BAZ2B: variants seen among roughly 807,000 people sequenced by gnomAD.
BAZ2B encodes the protein bromodomain adjacent to zinc finger domain 2B.
Under a neutral mutation model 246.0 loss-of-function variants are expected in BAZ2B, and 91 were observed. That is an observed-to-expected ratio of 0.37 (90% CI 0.31 to 0.44). BAZ2B has a LOEUF of 0.44. Ranked by LOEUF, BAZ2B falls within the 20% of genes least tolerant of loss-of-function variation. The probability of loss-of-function intolerance (pLI) is 1.00; values close to 1 mark genes in which losing one functional copy is unlikely to be tolerated. For synonymous variants in BAZ2B, 855 were observed against 860.0 expected (o/e 0.99, Z 0.10); for missense variants, 2,332 against 2,533.7 (o/e 0.92, Z 1.71).
At chr2:159,399,817 A>G (rs2193922) in intron 17 of BAZ2B, among the ~76,000 whole-genome samples, 49,646 of 152,046 alleles carry the variant, frequency 0.33, 10,095 homozygotes, top group Non-Finnish European at 0.47. Context: ...AAATTTAAAC[A>G]TGAAAAGTTT....
chr2:159,326,718 A>G (rs2063762112), intron 34 of BAZ2B, among the ~76,000 whole-genome samples: 1 of 152,226 alleles, frequency 6.6e-6, no homozygotes, highest in Non-Finnish European at 1.5e-5. Context: ...TTCTAGCTCT[A>G]GAATTACATG....
At position 159,322,517 on chromosome 2, in the gene BAZ2B, A is replaced by G. The variant is rs2062840219; in HGVS notation, c.6354-2099T>C. 2.0e-5 allele frequency among the ~76,000 whole-genome samples: 3 copies of G among 152,224 alleles called. No individual in the cohort carries two copies. In the South Asian group the frequency reaches 6.2e-4, roughly 31 times the overall value. ...AATGGAATCATACAATCTGTGTGGG[A>G]ATGATTTTTACAAAATATTTTAAAG... On this transcript the variant is annotated intron_variant, in intron 36 of 36. Coordinates refer to ENST00000392783, the MANE Select transcript of BAZ2B (RefSeq NM_013450.4).
intron 2 of BAZ2B, among the ~76,000 whole-genome samples, chr2:159,539,238 AAAG>A (rs2086370238): frequency 2.0e-5 from 3 of 152,344 alleles, no homozygotes; most frequent in Middle Eastern, 6.8e-3. Context: ...CTAATGAAGA[AAAG>A]AAGAACAGTG....
chr2:159,592,780 G>GCCACC (rs1689706615), intron 1 of BAZ2B, among the ~76,000 whole-genome samples: 1 of 152,160 alleles, frequency 6.6e-6, no homozygotes, highest in Admixed American at 6.5e-5. Context: ...CAGCGTGACA[G>GCCACC]CCACCTCTTG....
chr2:159,450,942 G>A (rs765017133), intron 4 of BAZ2B, among the ~76,000 whole-genome samples: 24 of 152,032 alleles, frequency 1.6e-4, no homozygotes, highest in Non-Finnish European at 2.6e-4. Context: ...GTTTGGCTAT[G>A]TTGGTGAGGC....
At chr2:159,504,660 A>G (rs1053387811) in intron 2 of BAZ2B, among the ~76,000 whole-genome samples, 2 of 152,214 alleles carry the variant, frequency 1.3e-5, no homozygotes, top group African/African-American at 4.8e-5. Context: ...CTAAAAACAC[A>G]TCAATACCTT....
At chr2:159,624,753 A>G in the BAZ2B span, among the ~76,000 whole-genome samples, 1 of 152,312 alleles carries the variant, frequency 6.6e-6, no homozygotes, top group Non-Finnish European at 1.5e-5. Context: ...TGAAAATTCC[A>G]AAGACCAGAA....
the BAZ2B span, among the ~76,000 whole-genome samples, chr2:159,684,339 G>A: frequency 6.6e-6 from 1 of 152,198 alleles, no homozygotes; most frequent in African/African-American, 2.4e-5. Context: ...CTAGGAATGA[G>A]ATTGCTGAGT....
chr2:159,425,490 C>G (rs1030339850), intron 13 of BAZ2B, among the ~76,000 whole-genome samples: 10 of 152,108 alleles, frequency 6.6e-5, no homozygotes, highest in African/African-American at 2.4e-4. Context: ...CTGTTTTTCA[C>G]ATTATATACA....
At chr2:159,412,046 C>T in intron 14 of BAZ2B, 1 of 833,016 alleles carries the variant, frequency 1.2e-6, no homozygotes, top group Non-Finnish European at 1.4e-6. Flanking sequence ...AGGCATGTGC[C>T]AAGTGCTGGT....
chr2:159,379,575 G>A (rs1280740859), intron 25 of BAZ2B, among the ~76,000 whole-genome samples: 3 of 151,986 alleles, frequency 2.0e-5, no homozygotes, highest in African/African-American at 4.8e-5. Flanking sequence ...ATTGGAAATG[G>A]AGAATTTATG....
chr2:159,353,859 A>G (rs901478752), intron 27 of BAZ2B, among the ~76,000 whole-genome samples: 4 of 152,194 alleles, frequency 2.6e-5, no homozygotes, highest in African/African-American at 9.7e-5. Flanking sequence ...CAAGACTTGA[A>G]AGGATCGAAC....
chr2:159,395,709 A>C (rs2063920360), intron 20 of BAZ2B, 60 bp downstream of exon 20: 1 of 1,421,284 alleles, frequency 7.0e-7, no homozygotes, highest in Non-Finnish European at 9.6e-7. Context: ...TAGAAGAGCC[A>C]ATGCTTTAGG....
chr2:159,702,979 G>A, the BAZ2B span, among the ~76,000 whole-genome samples: 5 of 152,124 alleles, frequency 3.3e-5, no homozygotes, highest in African/African-American at 1.2e-4. Flanking sequence ...AGGAGGTGGA[G>A]CTTGCAGTGA....
the BAZ2B span, chr2:159,693,293 C>G: frequency 6.6e-6 from 1 of 152,050 alleles, no homozygotes; most frequent in Non-Finnish European, 1.5e-5. Flanking sequence ...CAGATTATCT[C>G]TATAAAACCA....
chr2:159,513,288 A>G (rs975546160), intron 2 of BAZ2B, among the ~76,000 whole-genome samples: 12 of 152,210 alleles, frequency 7.9e-5, no homozygotes, highest in African/African-American at 2.9e-4. Flanking sequence ...TTTAGCTGTT[A>G]CTTTCATTAG....
the BAZ2B span, among the ~76,000 whole-genome samples, chr2:159,666,868 C>T: frequency 1.3e-5 from 2 of 151,748 alleles, no homozygotes; most frequent in African/African-American, 4.8e-5. Context: ...AAAAACCAAA[C>T]CAAACAAAAC....
intron 27 of BAZ2B, among the ~76,000 whole-genome samples, chr2:159,355,308 C>G (rs1036603626): frequency 5.9e-5 from 9 of 152,066 alleles, no homozygotes; most frequent in African/African-American, 2.2e-4. Context: ...AGTGTTACCA[C>G]AAACCAGCTC....
At chr2:159,364,321 G>A (rs150458862) in intron 27 of BAZ2B, among the ~76,000 whole-genome samples, 401 of 152,260 alleles carry the variant, frequency 2.6e-3, no homozygotes, top group African/African-American at 9.1e-3. Context: ...TCACTGCAAC[G>A]GCTTTTGGAC....
Sources: gnomAD v4.1 joint callset for allele counts (sites outside exome capture counted in the v4.1 genomes callset) on GRCh38, gnomAD v4.1.1 for gene constraint, MANE v1.5 for transcripts, NCBI Gene and HGNC (gene_info 2026-07-23, HGNC 2026-07-21) for gene names.